Variants in ROR1 observed in about 807,000 individuals in gnomAD.
ROR1 encodes the protein ROR family WNT receptor 1.
Under a neutral mutation model 78.8 loss-of-function variants are expected in ROR1, and 19 were observed. That is an observed-to-expected ratio of 0.24 (90% CI 0.17 to 0.35). ROR1 has a LOEUF of 0.35. Among genes scored for constraint, ROR1 ranks in the 10% least tolerant of loss-of-function variants. ROR1 has a pLI of 1.00. For synonymous variants in ROR1, 386 were observed against 433.6 expected (o/e 0.89, Z 1.36); for missense variants, 917 against 1,177.8 (o/e 0.78, Z 3.24).
intron 8 of ROR1, among the ~76,000 whole-genome samples, chr1:64,161,834 T>G (rs778261010): frequency 6.6e-6 from 1 of 152,100 alleles, no homozygotes; most frequent in Non-Finnish European, 1.5e-5. Flanking sequence ...TTCTTACACT[T>G]CTAAGGGACT....
In ROR1 at chr1:63,850,082, A is replaced by G. The variant is rs183073857; in HGVS notation, c.91+75574A>G. Among the ~76,000 whole-genome samples the G allele has an allele frequency of 2.7e-3, 407 of 152,350 alleles. 3 individuals carry two copies. In the Middle Eastern group the frequency reaches 0.027, roughly 10 times the overall value. ...TCTGTGCATAAATGCACTGAGTGCT[A>G]CTAAAAATAGTGCTTTGCCTATTTT... On this transcript the variant is annotated intron_variant, in intron 1 of 8. Transcript: ENST00000371079.
At chr1:63,802,005 A>G (rs1644800537) in intron 1 of ROR1, among the ~76,000 whole-genome samples, 1 of 152,160 alleles carries the variant, frequency 6.6e-6, no homozygotes, top group African/African-American at 2.4e-5. Context: ...ATGCCCCCCC[A>G]TGTGTTTATC....
rs139502516 is a variant in ROR1 at position 64,123,075 on chromosome 1, C to G, written c.483-14294C>G. 2.3e-3 allele frequency among the ~76,000 whole-genome samples: 349 copies of G among 152,308 alleles called. 1 individual carries two copies. Among genetic ancestry groups the G allele is most frequent in the African/African-American group, 8.1e-3 (335 of 41,564 alleles). ...ACTGATGCACCATCTTGATTAACAACAGCAAGCCTCCCCTTCCTTCCTCAG... is the reference window on the plus strand; with the variant it reads ...ACTGATGCACCATCTTGATTAACAAGAGCAAGCCTCCCCTTCCTTCCTCAG... On this transcript the variant is annotated intron_variant, in intron 4 of 8. Coordinates refer to ENST00000371079, the MANE Select transcript of ROR1 (RefSeq NM_005012.4).
At chr1:63,863,879 G>A (rs569502725) in intron 1 of ROR1, among the ~76,000 whole-genome samples, 19 of 152,044 alleles carry the variant, frequency 1.2e-4, no homozygotes, top group Middle Eastern at 3.4e-3. Flanking sequence ...ATCTCATGAT[G>A]ATTTAATACA....
intron 4 of ROR1, among the ~76,000 whole-genome samples, chr1:64,114,664 C>T (rs1648246361): frequency 6.6e-6 from 1 of 152,120 alleles, no homozygotes; most frequent in South Asian, 2.1e-4. Flanking sequence ...CGGCACATTG[C>T]CTTTTCTGAT....
chr1:64,129,285 A>G (rs1314143005), intron 4 of ROR1, among the ~76,000 whole-genome samples: 1 of 152,238 alleles, frequency 6.6e-6, no homozygotes, highest in Admixed American at 6.5e-5. Context: ...TCTTTCCACA[A>G]ACCTTCTCTT....
intron 1 of ROR1, among the ~76,000 whole-genome samples, chr1:63,910,010 C>T (rs1041057103): frequency 6.6e-6 from 1 of 152,318 alleles, no homozygotes; most frequent in South Asian, 2.1e-4. Flanking sequence ...GACGGGACCT[C>T]TTGTGCTGAT....
intron 1 of ROR1, among the ~76,000 whole-genome samples, chr1:63,937,979 C>T (rs189887067): frequency 1.4e-4 from 21 of 152,282 alleles, no homozygotes; most frequent in African/African-American, 1.4e-4. Flanking sequence ...CAGATTCTCC[C>T]TAGCCCTCCT....
chr1:64,175,167 A>G (rs982949537), intron 8 of ROR1, among the ~76,000 whole-genome samples: 14 of 151,984 alleles, frequency 9.2e-5, no homozygotes, highest in Admixed American at 4.6e-4. Flanking sequence ...CATACCCCCA[A>G]TAATCACTGC....
chr1:63,908,440 C>G (rs1645544748), intron 1 of ROR1, among the ~76,000 whole-genome samples: 1 of 152,224 alleles, frequency 6.6e-6, no homozygotes, highest in African/African-American at 2.4e-5. Context: ...TTTTATTACA[C>G]AGGCAAAATA....
At chr1:63,908,231 C>T (rs1645543194) in intron 1 of ROR1, among the ~76,000 whole-genome samples, 1 of 152,124 alleles carries the variant, frequency 6.6e-6, no homozygotes, top group South Asian at 2.1e-4. Context: ...ACACACATTT[C>T]TCCCCCTGAA....
chr1:63,983,318 G>A (rs1047482018), intron 1 of ROR1, among the ~76,000 whole-genome samples: 2 of 152,192 alleles, frequency 1.3e-5, no homozygotes, highest in African/African-American at 4.8e-5. Flanking sequence ...AGTTGCCAAA[G>A]CCTGGCAGCT....
chr1:64,033,374 A>G (rs997823904), intron 2 of ROR1, among the ~76,000 whole-genome samples: 6 of 152,202 alleles, frequency 3.9e-5, no homozygotes, highest in African/African-American at 1.4e-4. Flanking sequence ...ACAGATGAGT[A>G]AACTGAGGCT....
chr1:63,945,641 A>G (rs1645881313), intron 1 of ROR1, among the ~76,000 whole-genome samples: 1 of 152,102 alleles, frequency 6.6e-6, no homozygotes, highest in Admixed American at 6.5e-5. Flanking sequence ...AAACATACCC[A>G]GCAGGGTTGT....
intron 6 of ROR1, 74 bp downstream of exon 6, chr1:64,140,500 T>C (rs1649275622): frequency 8.1e-6 from 11 of 1,357,870 alleles, no homozygotes; most frequent in Admixed American, 2.0e-5. Flanking sequence ...AACTGGACCT[T>C]GACCCATAGT....
intron 1 of ROR1, among the ~76,000 whole-genome samples, chr1:63,784,931 C>T (rs1469944121): frequency 6.6e-6 from 1 of 152,214 alleles, no homozygotes; most frequent in Non-Finnish European, 1.5e-5. Flanking sequence ...TTTTATAATA[C>T]AGTTATCTCT....
chr1:63,925,348 A>AT (rs1227084137), intron 1 of ROR1, among the ~76,000 whole-genome samples: 7 of 150,324 alleles, frequency 4.7e-5, no homozygotes, highest in Admixed American at 3.3e-4. Context: ...TGAACTCATC[A>AT]TTTTTTATGG....
intron 1 of ROR1, among the ~76,000 whole-genome samples, chr1:63,954,776 G>A (rs1645968165): frequency 1.3e-5 from 2 of 152,134 alleles, no homozygotes; most frequent in Admixed American, 6.5e-5. Context: ...GTGTGCATAG[G>A]TGATGTCCAA....
chr1:63,954,275 A>G (rs935286040), intron 1 of ROR1, among the ~76,000 whole-genome samples: 4 of 152,202 alleles, frequency 2.6e-5, no homozygotes, highest in Admixed American at 6.5e-5. Context: ...AGATGGGAAA[A>G]AGTGAGGGCA....
Sources: allele counts gnomAD v4.1 joint callset (sites outside exome capture counted in the v4.1 genomes callset), GRCh38; gene constraint gnomAD v4.1.1; transcripts MANE v1.5; gene names NCBI Gene and HGNC (gene_info 2026-07-23, HGNC 2026-07-21).